The following LRRTM4 variants were observed in gnomAD, a reference collection of about 807,000 sequenced individuals.
LRRTM4 encodes the protein leucine rich repeat transmembrane neuronal 4, also known as leucine-rich repeat transmembrane neuronal protein 4.
In LRRTM4, 25 loss-of-function variants were observed where a neutral mutation model predicts 47.6. The observed-to-expected ratio is 0.53, with a 90% CI of 0.38 to 0.73. The LOEUF is 0.73. Among genes scored for constraint, LRRTM4 ranks in the 30% least tolerant of loss-of-function variants. The pLI is 0.00. For synonymous variants in LRRTM4, 311 were observed against 269.5 expected, an observed-to-expected ratio of 1.15 and a Z score of -1.51; for missense variants, 638 against 713.4, an observed-to-expected ratio of 0.89 and a Z score of 1.20.
At chr2:77,352,819 G>A (rs1173125809) in intron 3 of LRRTM4, among the ~76,000 whole-genome samples, 1 of 151,690 alleles carries the variant, frequency 6.6e-6, no homozygotes, top group South Asian at 2.1e-4. Context: ...GACTAATAGA[G>A]AAACAAAAAA....
At chr2:76,797,921 C>T (rs1219068187) in intron 3 of LRRTM4, among the ~76,000 whole-genome samples, 2 of 151,208 alleles carry the variant, frequency 1.3e-5, no homozygotes, top group African/African-American at 2.4e-5. Flanking sequence ...GCTAACTATC[C>T]TAAATATATA....
intron 3 of LRRTM4, among the ~76,000 whole-genome samples, chr2:77,410,340 A>G (rs1467098236): frequency 1.3e-5 from 2 of 152,136 alleles, no homozygotes; most frequent in African/African-American, 4.8e-5. Context: ...TTTAAGGTCT[A>G]TTTTAAAGAC....
rs138469285 is a variant in LRRTM4 at position 76,927,245 on chromosome 2, G to A, written c.1552-178329C>T. 8.3e-3 allele frequency among the ~76,000 whole-genome samples: 1,255 copies of A among 152,058 alleles called. 5 individuals are homozygous for A. Among genetic ancestry groups the A allele is most frequent in the Middle Eastern group, 0.02 (6 of 294 alleles). On this transcript the variant is annotated intron_variant, in intron 3 of 3. Coordinates refer to ENST00000409884, the MANE Select transcript of LRRTM4 (RefSeq NM_001134745.3). ...CCATATTCTTACATGACCACCCTAGGAATTACCATATGTATCCACATTGAT... is the reference window on the plus strand; with the variant it reads ...CCATATTCTTACATGACCACCCTAGAAATTACCATATGTATCCACATTGAT...
At chr2:77,174,009 C>A (rs576998558) in intron 3 of LRRTM4, among the ~76,000 whole-genome samples, 2 of 152,272 alleles carry the variant, frequency 1.3e-5, no homozygotes, top group East Asian at 1.9e-4. Flanking sequence ...GGGTTTTAGC[C>A]TTGGAGTATC....
chr2:77,229,899 C>T lies in LRRTM4; in HGVS notation c.1551+288419G>A, dbSNP rs564420356. On this transcript the variant is annotated intron_variant, in intron 3 of 3. Coordinates refer to ENST00000409884, the MANE Select transcript of LRRTM4 (RefSeq NM_001134745.3). ...AAATTTTTTCTATATAAAATATATC[C>T]CCCACTTGAACTTTTCACCCACTAT... is the stretch of plus-strand genomic sequence containing the variant. Among the ~76,000 whole-genome samples the T allele has an allele frequency of 8.9e-4, 135 of 151,886 alleles. 2 individuals are homozygous for T. The highest frequency in any genetic ancestry group is 3.1e-3 in the African/African-American group (128 of 41,434).
chr2:76,931,360 TA>T (rs1385244170), intron 3 of LRRTM4, among the ~76,000 whole-genome samples: 9 of 152,164 alleles, frequency 5.9e-5, no homozygotes, highest in African/African-American at 2.2e-4. Context: ...CCTTCTATAA[TA>T]AAATAAAGTA....
intron 3 of LRRTM4, among the ~76,000 whole-genome samples, chr2:77,411,340 C>CT: frequency 6.6e-6 from 1 of 152,226 alleles, no homozygotes; most frequent in Middle Eastern, 3.4e-3. Context: ...TAAGGATAGG[C>CT]TAACCAAGTA....
intron 3 of LRRTM4, among the ~76,000 whole-genome samples, chr2:77,152,991 A>G (rs756657992): frequency 1.3e-5 from 2 of 152,202 alleles, no homozygotes; most frequent in Non-Finnish European, 2.9e-5. Flanking sequence ...ATATTCTATA[A>G]TTAACTATAT....
chr2:77,126,986 G>A (rs1188178313), intron 3 of LRRTM4, among the ~76,000 whole-genome samples: 2 of 152,064 alleles, frequency 1.3e-5, no homozygotes, highest in African/African-American at 4.8e-5. Context: ...TCTTCCTCTG[G>A]CTTTGGGAAG....
intron 3 of LRRTM4, among the ~76,000 whole-genome samples, chr2:77,256,603 G>C (rs1463140050): frequency 1.3e-5 from 2 of 152,226 alleles, no homozygotes; most frequent in East Asian, 3.9e-4. Context: ...GCTCTCAACT[G>C]CCAACATATA....
At chr2:77,037,819 C>CTCT (rs796136166) in intron 3 of LRRTM4, among the ~76,000 whole-genome samples, 4 of 151,782 alleles carry the variant, frequency 2.6e-5, no homozygotes, top group African/African-American at 9.6e-5. Context: ...TGCAAGTGCT[C>CTCT]TCTCAGTGTT....
At chr2:76,918,622 C>T (rs908970854) in intron 3 of LRRTM4, among the ~76,000 whole-genome samples, 1 of 152,008 alleles carries the variant, frequency 6.6e-6, no homozygotes, top group African/African-American at 2.4e-5. Flanking sequence ...CAGACGAACC[C>T]GGAAGCATCT....
intron 3 of LRRTM4, among the ~76,000 whole-genome samples, chr2:77,158,818 T>C (rs983509312): frequency 6.6e-6 from 1 of 151,876 alleles, no homozygotes; most frequent in African/African-American, 2.4e-5. Flanking sequence ...GAACTATACA[T>C]TATATTTCTA....
intron 3 of LRRTM4, among the ~76,000 whole-genome samples, chr2:76,763,401 C>G (rs1161567787): frequency 6.6e-6 from 1 of 152,198 alleles, no homozygotes; most frequent in Non-Finnish European, 1.5e-5. Context: ...AAAGAAATAA[C>G]AGAGAGCTCT....
intron 3 of LRRTM4, among the ~76,000 whole-genome samples, chr2:76,943,151 T>G (rs986555306): frequency 1.3e-5 from 2 of 152,302 alleles, no homozygotes; most frequent in Non-Finnish European, 1.5e-5. Flanking sequence ...TACCAATCCC[T>G]GGAGCCTGAA....
intron 3 of LRRTM4, among the ~76,000 whole-genome samples, chr2:77,099,280 A>G (rs917302773): frequency 6.6e-6 from 1 of 151,970 alleles, no homozygotes; most frequent in Non-Finnish European, 1.5e-5. Flanking sequence ...TCTATTGTAT[A>G]GCATTGAAAA....
chr2:77,097,322 G>T (rs1224510106), intron 3 of LRRTM4, among the ~76,000 whole-genome samples: 1 of 151,920 alleles, frequency 6.6e-6, no homozygotes, highest in African/African-American at 2.4e-5. Context: ...TAATGTTAAT[G>T]AAATTATTGT....
At chr2:77,307,909 T>C in intron 3 of LRRTM4, among the ~76,000 whole-genome samples, 1 of 78,236 alleles carries the variant, frequency 1.3e-5, no homozygotes, top group South Asian at 4.7e-4. Flanking sequence ...ATTATAGAAA[T>C]ATAAATATAT....
intron 3 of LRRTM4, among the ~76,000 whole-genome samples, chr2:76,849,417 A>G (rs1255402234): frequency 6.6e-6 from 1 of 152,178 alleles, no homozygotes; most frequent in East Asian, 1.9e-4. Flanking sequence ...CTGAAAATAC[A>G]GAGCTGGAAT....
Sources: allele counts gnomAD v4.1 joint callset (sites outside exome capture counted in the v4.1 genomes callset), GRCh38; gene constraint gnomAD v4.1.1; transcripts MANE v1.5; gene names NCBI Gene and HGNC (gene_info 2026-07-23, HGNC 2026-07-21).